Variants in CCDC141 observed in about 807,000 individuals in gnomAD.
CCDC141 encodes the protein coiled-coil domain containing 141, also known as coiled-coil domain-containing protein 141.
In CCDC141, 168 loss-of-function variants were observed where a neutral mutation model predicts 181.0. The ratio of observed to expected loss-of-function variants is 0.93; its 90% CI spans 0.82 to 1.05. The LOEUF (loss-of-function observed/expected upper bound fraction) is 1.05. CCDC141 is among the 50% of genes least tolerant of loss of function. The probability of loss-of-function intolerance (pLI) is 0.00; values close to 1 mark genes in which losing one functional copy is unlikely to be tolerated. For missense variants in CCDC141, 1,902 were observed against 1,788.5 expected (o/e 1.06, Z -1.14); for synonymous variants, 666 against 642.3 (o/e 1.04, Z -0.56).
chr2:178,962,855 C>G (rs138745978), intron 4 of CCDC141, among the ~76,000 whole-genome samples: 387 of 152,250 alleles, frequency 2.5e-3, no homozygotes, highest in African/African-American at 8.9e-3. Context: ...CTCACACATG[C>G]TATACTCTCT....
At chr2:178,816,126 G>A in the CCDC141 span, among the ~76,000 whole-genome samples, 1 of 152,154 alleles carries the variant, frequency 6.6e-6, no homozygotes, top group Non-Finnish European at 1.5e-5. Context: ...TTAATGACAT[G>A]TATCCACCAT....
At chr2:179,049,403 CT>C (rs1310611522) in intron 1 of CCDC141, among the ~76,000 whole-genome samples, 1 of 152,082 alleles carries the variant, frequency 6.6e-6, no homozygotes, top group African/African-American at 2.4e-5. Context: ...TGCCCTCCCC[CT>C]GTCTGTCGGG....
At chr2:178,898,825 A>G (rs963741723) in intron 8 of CCDC141, among the ~76,000 whole-genome samples, 5 of 152,290 alleles carry the variant, frequency 3.3e-5, no homozygotes, top group Non-Finnish European at 5.9e-5. Flanking sequence ...CAGAAAAAAA[A>G]TCAGATCAAA....
chr2:178,870,231 C>CA (rs34625707), intron 14 of CCDC141, among the ~76,000 whole-genome samples: 3,459 of 59,852 alleles, frequency 0.058, 380 homozygotes, highest in South Asian at 0.16. Context: ...GACTCTGTCT[C>CA]AAAAAAAAAA....
intron 2 of CCDC141, among the ~76,000 whole-genome samples, chr2:179,018,201 G>C (rs948366204): frequency 6.6e-6 from 1 of 152,056 alleles, no homozygotes; most frequent in Non-Finnish European, 1.5e-5. Context: ...CACAAAAAAG[G>C]ATTATGGACT....
In CCDC141 at chr2:178,918,715, T is replaced by A. The variant is rs2154374573; in HGVS notation, c.1090A>T (p.Lys364Ter). ...TATCAACTTGACCTCACACTGACCT[T>A]GTTAGCACTGTTAAAAAATTCATTC... ...KANEFFNSAN[K>*]AFDVLGRVEA... Residue 364 changes from lysine to a stop codon, truncating the protein, a stop_gained and splice_region_variant, in exon 7 of 24, where the codon AAG (lysine) becomes TAG (stop). Coordinates refer to ENST00000443758, the MANE Select transcript of CCDC141 (RefSeq NM_173648.4). LOFTEE classifies it high-confidence loss of function. 6.5e-7 allele frequency: 1 copy of A among 1,550,312 alleles called. No individual in the cohort carries two copies. The highest frequency in any genetic ancestry group is 8.7e-7 in the Non-Finnish European group (1 of 1,146,812).
At chr2:178,875,564 A>G (rs1686321843) in intron 12 of CCDC141, 1 of 148,122 alleles carries the variant, frequency 6.8e-6, no homozygotes, top group Non-Finnish European at 1.5e-5. Context: ...GACTCCATCT[A>G]AAAAAAAAAG....
chr2:178,864,052 C>G (rs1422036986), intron 17 of CCDC141, among the ~76,000 whole-genome samples: 1 of 152,208 alleles, frequency 6.6e-6, no homozygotes, highest in Non-Finnish European at 1.5e-5. Context: ...TCATAAATGT[C>G]ACAGCTCTAC....
chr2:178,941,690 T>C (rs944296875), intron 6 of CCDC141, among the ~76,000 whole-genome samples: 3 of 151,740 alleles, frequency 2.0e-5, no homozygotes, highest in Non-Finnish European at 4.4e-5. Context: ...TGAGAGTTCA[T>C]GCCTGTAATC....
chr2:178,981,657 T>TATATATAC (rs1553495348), intron 2 of CCDC141, among the ~76,000 whole-genome samples: 6 of 132,046 alleles, frequency 4.5e-5, no homozygotes, highest in East Asian at 2.4e-4. Context: ...TATATATATA[T>TATATATAC]ACATACATAT....
At chr2:179,027,151 C>G (rs1229263469) in intron 2 of CCDC141, among the ~76,000 whole-genome samples, 1 of 152,142 alleles carries the variant, frequency 6.6e-6, no homozygotes, top group African/African-American at 2.4e-5. Context: ...AATGTGAGGA[C>G]ATGAGATTTG....
intron 2 of CCDC141, among the ~76,000 whole-genome samples, chr2:179,039,806 T>A (rs1211015907): frequency 6.6e-6 from 1 of 152,236 alleles, no homozygotes; most frequent in Non-Finnish European, 1.5e-5. Context: ...GTTAAGTTTG[T>A]GCCTATCTTG....
intron 21 of CCDC141, among the ~76,000 whole-genome samples, chr2:178,848,046 C>T (rs1157660745): frequency 6.6e-6 from 1 of 152,120 alleles, no homozygotes; most frequent in African/African-American, 2.4e-5. Flanking sequence ...GGCATAGCAG[C>T]CAGGATGGAC....
rs1044204940 is a variant in CCDC141 at position 178,888,790 on chromosome 2, GAAGTT to G, written c.1266-127_1266-123del. On this transcript the variant is annotated intron_variant, in intron 8 of 23. Transcript: ENST00000443758. Reference sequence around the variant, plus strand: ...AAAAGGCATCAGCTTTAGGATAACAGAAGTTAAGTAGCTATCATCTCGGCATAGCA... The same window carrying G: ...AAAAGGCATCAGCTTTAGGATAACAGAAGTAGCTATCATCTCGGCATAGCA... The G allele has an allele frequency of 8.9e-6, 9 of 1,011,126 alleles. No individual in the cohort carries two copies. The African/African-American group carries it at 1.5e-4, about 16-fold the overall frequency. The allele number at this position is 1,011,126 out of a possible 1,614,324, so 62.6% of individuals were successfully genotyped here.
chr2:178,854,334 C>T (rs1685291046), intron 19 of CCDC141, among the ~76,000 whole-genome samples: 1 of 152,022 alleles, frequency 6.6e-6, no homozygotes, highest in Non-Finnish European at 1.5e-5. Context: ...ACCATCCTGG[C>T]TAACACGGTG....
chr2:178,887,332 G>A (rs1011464576), intron 9 of CCDC141, among the ~76,000 whole-genome samples: 1 of 152,152 alleles, frequency 6.6e-6, no homozygotes. Flanking sequence ...AACCCTGGAC[G>A]TGTTATAGTA....
At chr2:179,026,438 C>T (rs150429096) in intron 2 of CCDC141, among the ~76,000 whole-genome samples, 266 of 152,320 alleles carry the variant, frequency 1.7e-3, no homozygotes, top group South Asian at 0.017. Context: ...TACAAGTGCA[C>T]AGAAGTCAAG....
chr2:178,893,823 G>GCACACA lies in CCDC141; in HGVS notation c.1266-5161_1266-5156dup, dbSNP rs34654821. Reference sequence around the variant, plus strand: ...CTCACACACACACACACACACACACGCACACACACACACACACACACACAC... The same window carrying GCACACA: ...CTCACACACACACACACACACACACGCACACACACACACACACACACACACACACAC... On this transcript the variant is annotated intron_variant, in intron 8 of 23. Coordinates refer to ENST00000443758, the MANE Select transcript of CCDC141 (RefSeq NM_173648.4). 1.2e-3 allele frequency among the ~76,000 whole-genome samples: 176 copies of GCACACA among 141,984 alleles called. 2 individuals are homozygous for GCACACA. The highest frequency in any genetic ancestry group is 4.2e-3 in the African/African-American group (164 of 39,052). The allele number at this position is 141,984 out of a possible 152,430, so 93.1% of individuals were successfully genotyped here. A position where few individuals can be genotyped will look rare whatever the true frequency, so the allele number is the denominator to read the frequency against.
chr2:178,965,944 G>A (rs555404671), intron 4 of CCDC141, among the ~76,000 whole-genome samples: 61 of 152,276 alleles, frequency 4.0e-4, no homozygotes, highest in African/African-American at 1.3e-3. Context: ...GGGTAGGGGC[G>A]TCCGCCATTG....
Sources: allele counts gnomAD v4.1 joint callset (sites outside exome capture counted in the v4.1 genomes callset), GRCh38; gene constraint gnomAD v4.1.1; transcripts MANE v1.5; gene names NCBI Gene and HGNC (gene_info 2026-07-23, HGNC 2026-07-21).